TENM3: variants seen among roughly 807,000 people sequenced by gnomAD.
TENM3 encodes teneurin transmembrane protein 3.
A neutral mutation model predicts 255.1 loss-of-function variants in TENM3; 63 were observed. The observed-to-expected ratio is 0.25, with a 90% CI of 0.20 to 0.30. The LOEUF is 0.30. Among genes scored for constraint, TENM3 ranks in the 10% least tolerant of loss-of-function variants. TENM3 has a pLI of 1.00. For synonymous variants in TENM3, 1,306 were observed against 1,322.3 expected, an observed-to-expected ratio of 0.99 and a Z score of 0.27; for missense variants, 2,929 against 3,461.1, an observed-to-expected ratio of 0.85 and a Z score of 3.86.
chr4:181,852,914 A>C, the TENM3 span, among the ~76,000 whole-genome samples: 1 of 152,202 alleles, frequency 6.6e-6, no homozygotes, highest in Admixed American at 6.5e-5. Context: ...TCTTACACTT[A>C]CAAATGGTTA....
At chr4:182,798,945 G>A (rs1766693474) in intron 27 of TENM3, among the ~76,000 whole-genome samples, 1 of 152,152 alleles carries the variant, frequency 6.6e-6, no homozygotes, top group South Asian at 2.1e-4. Flanking sequence ...TAAAACATTT[G>A]CCAGTCTAGA....
rs1465795209 is a variant in TENM3 at position 182,594,104 on chromosome 4, A to C, written c.512-6820A>C. 2.6e-5 allele frequency among the ~76,000 whole-genome samples: 4 copies of C among 152,200 alleles called. No homozygotes were observed. In the East Asian group the frequency reaches 5.8e-4, roughly 22 times the overall value. ...GCCGAACTTCATGACTATGAGATCA[A>C]ATTCCTTCCTGTGTGAGAACTGGCA... On this transcript the variant is annotated intron_variant, in intron 3 of 27. Coordinates refer to ENST00000511685, the MANE Select transcript of TENM3 (RefSeq NM_001080477.4).
the TENM3 span, among the ~76,000 whole-genome samples, chr4:181,521,207 C>T: frequency 4.6e-5 from 7 of 152,236 alleles, no homozygotes; most frequent in Admixed American, 1.3e-4. Context: ...GCACCTTCTA[C>T]AACACTTGAA....
At chr4:181,763,677 A>G in the TENM3 span, among the ~76,000 whole-genome samples, 13 of 152,184 alleles carry the variant, frequency 8.5e-5, no homozygotes, top group Non-Finnish European at 1.6e-4. Flanking sequence ...ATGCCTTGCA[A>G]AGCCTAAAAT....
At chr4:181,485,596 A>G in the TENM3 span, among the ~76,000 whole-genome samples, 1 of 152,128 alleles carries the variant, frequency 6.6e-6, no homozygotes, top group Non-Finnish European at 1.5e-5. Flanking sequence ...TTTAATGTAT[A>G]TTTTCCAATA....
At chr4:182,750,040 C>G (rs553666080) in intron 19 of TENM3, among the ~76,000 whole-genome samples, 4 of 152,224 alleles carry the variant, frequency 2.6e-5, no homozygotes, top group Non-Finnish European at 4.4e-5. Flanking sequence ...TAACTCTTCA[C>G]TTCTTACAAA....
the TENM3 span, among the ~76,000 whole-genome samples, chr4:181,505,236 T>A: frequency 1.3e-5 from 2 of 152,228 alleles, no homozygotes; most frequent in Non-Finnish European, 2.9e-5. Context: ...TGGCACTGTT[T>A]GCTCTTCCCA....
At chr4:181,481,724 T>C in the TENM3 span, among the ~76,000 whole-genome samples, 1 of 152,188 alleles carries the variant, frequency 6.6e-6, no homozygotes, top group Admixed American at 6.5e-5. Flanking sequence ...TTGCTCACTC[T>C]CTGAGGCACT....
chr4:182,586,894 A>G (rs905257672), intron 3 of TENM3, among the ~76,000 whole-genome samples: 1 of 152,248 alleles, frequency 6.6e-6, no homozygotes, highest in African/African-American at 2.4e-5. Context: ...TATATTTTTG[A>G]GAAGCAAGAT....
chr4:181,731,301 T>C, the TENM3 span, among the ~76,000 whole-genome samples: 1 of 152,184 alleles, frequency 6.6e-6, no homozygotes, highest in Non-Finnish European at 1.5e-5. Flanking sequence ...ATGAGTAAAA[T>C]TTTTAATGCA....
intron 1 of TENM3, among the ~76,000 whole-genome samples, chr4:182,255,127 G>A (rs1758303091): frequency 6.6e-6 from 1 of 152,086 alleles, no homozygotes; most frequent in Admixed American, 6.5e-5. Context: ...TTAAATTTTA[G>A]AGCTTAATTT....
the TENM3 span, among the ~76,000 whole-genome samples, chr4:182,060,836 A>G: frequency 6.6e-6 from 1 of 152,206 alleles, no homozygotes; most frequent in South Asian, 2.1e-4. Context: ...TCTGCAAACA[A>G]TGATTTGAAA....
At chr4:182,552,414 A>G (rs1275282366) in intron 3 of TENM3, among the ~76,000 whole-genome samples, 1 of 152,238 alleles carries the variant, frequency 6.6e-6, no homozygotes, top group Non-Finnish European at 1.5e-5. Context: ...AAGATGTACA[A>G]GACTTTGTTT....
rs1278908879 is a variant in TENM3, at chr4:182,673,192, G to T, written c.1299G>T (p.Arg433=). The T allele has an allele frequency of 2.5e-6, 4 of 1,613,362 alleles. No individual in the cohort carries two copies. Among genetic ancestry groups the T allele is most frequent in the Non-Finnish European group, 3.4e-6 (4 of 1,179,562 alleles). ...QKDALIGVYG[R]KGLPPSHTQY... is the part of the protein sequence containing the mutation. ...ATGCATTGATTGGAGTATATGGCCGGAAAGGCTTACCGCCTTCCCATACTC... is the reference window on the plus strand; with the variant it reads ...ATGCATTGATTGGAGTATATGGCCGTAAAGGCTTACCGCCTTCCCATACTC... The change falls in exon 7 of 28, where the codon CGG becomes CGT. Residue 433 remains arginine (R), a synonymous_variant. Transcript: ENST00000511685.
At chr4:181,772,236 G>A in the TENM3 span, among the ~76,000 whole-genome samples, 2 of 151,986 alleles carry the variant, frequency 1.3e-5, no homozygotes, top group African/African-American at 4.8e-5. Flanking sequence ...AAATTAGCTG[G>A]GTGTGGTGGC....
chr4:181,859,589 A>G, the TENM3 span, among the ~76,000 whole-genome samples: 1 of 152,180 alleles, frequency 6.6e-6, no homozygotes, highest in South Asian at 2.1e-4. Context: ...TTTATTTGAG[A>G]AAGTGAAATA....
At chr4:181,553,552 C>T in the TENM3 span, among the ~76,000 whole-genome samples, 51,691 of 151,504 alleles carry the variant, frequency 0.34, 9,425 homozygotes, top group Non-Finnish European at 0.41. Flanking sequence ...CGTCATTCTC[C>T]TGCCTCAGCC....
intron 12 of TENM3, among the ~76,000 whole-genome samples, chr4:182,712,435 A>G (rs796352455): frequency 6.7e-6 from 1 of 148,166 alleles, no homozygotes. Context: ...TTCATTAAAA[A>G]AAAAAAAAAA....
intron 13 of TENM3, among the ~76,000 whole-genome samples, chr4:182,726,193 CTTA>C (rs775965578): frequency 1.1e-3 from 168 of 152,128 alleles, no homozygotes; most frequent in Non-Finnish European, 1.9e-3. Flanking sequence ...CAGATATTCA[CTTA>C]TTAAGCCTTT....
Sources: allele counts gnomAD v4.1 joint callset (sites outside exome capture counted in the v4.1 genomes callset), GRCh38; gene constraint gnomAD v4.1.1; transcripts MANE v1.5; gene names NCBI Gene and HGNC (gene_info 2026-07-23, HGNC 2026-07-21).